Variants in ELOVL2 observed in about 807,000 individuals in gnomAD.
ELOVL2 encodes ELOVL fatty acid elongase 2.
In ELOVL2, 38 loss-of-function variants were observed where a neutral mutation model predicts 37.7. That is an observed-to-expected ratio of 1.01 (90% confidence interval 0.78 to 1.32). The LOEUF is 1.32. ELOVL2 is among the 40% of genes most tolerant of loss of function. ELOVL2 has a pLI of 0.00. For missense variants in ELOVL2, 352 were observed against 363.6 expected (o/e 0.97, Z 0.26); for synonymous variants, 115 against 122.3 (o/e 0.94, Z 0.40).
At position 10,981,752 on chromosome 6, in the gene ELOVL2, A is replaced by G. The variant is rs1270080973; in HGVS notation, c.*2029T>C. 6.6e-6 allele frequency: 1 copy of G among 152,242 alleles called. No homozygotes were observed. The highest frequency in any genetic ancestry group is 2.4e-5 in the African/African-American group (1 of 41,458). 9.4% of individuals were successfully genotyped at this position (152,242 alleles called of 1,614,324 possible). A position where few individuals can be genotyped will look rare whatever the true frequency, so the allele number is the denominator to read the frequency against. ...TCACTGGCACGTAAGAATAAGCTGA[A>G]TGTGATGACCAGTGAGCATATTAGA... On this transcript the variant is annotated 3_prime_UTR_variant, in exon 8 of 8. Transcript: ENST00000354666.
At chr6:10,996,826 AT>A (rs1328811938) in intron 4 of ELOVL2, among the ~76,000 whole-genome samples, 3 of 151,462 alleles carry the variant, frequency 2.0e-5, no homozygotes, top group African/African-American at 7.3e-5. Flanking sequence ...CCTGGTTAAC[AT>A]GGTGAAACCC....
intron 1 of ELOVL2, among the ~76,000 whole-genome samples, chr6:11,022,023 C>T (rs1238454306): frequency 3.3e-5 from 5 of 152,096 alleles, no homozygotes; most frequent in Non-Finnish European, 5.9e-5. Flanking sequence ...GGGGGTCTGT[C>T]GCTTGGGATT....
chr6:11,011,472 A>C (rs1299443442), intron 1 of ELOVL2, among the ~76,000 whole-genome samples: 1 of 152,248 alleles, frequency 6.6e-6, no homozygotes, highest in Non-Finnish European at 1.5e-5. Flanking sequence ...CCCTTGTTAC[A>C]ATAACAGTTG....
At chr6:11,007,712 T>C (rs1782503524) in intron 2 of ELOVL2, among the ~76,000 whole-genome samples, 1 of 152,204 alleles carries the variant, frequency 6.6e-6, no homozygotes, top group Non-Finnish European at 1.5e-5. Context: ...GTGCTGGCTT[T>C]ACCTCCCCAA....
intron 1 of ELOVL2, chr6:11,015,928 A>C (rs1345407758): frequency 6.6e-6 from 1 of 152,182 alleles, no homozygotes; most frequent in African/African-American, 2.4e-5. Context: ...CAAAACCCTG[A>C]TGGCCAGATT....
intron 1 of ELOVL2, among the ~76,000 whole-genome samples, chr6:11,041,106 C>G (rs1291913141): frequency 6.6e-6 from 1 of 152,164 alleles, no homozygotes; most frequent in Admixed American, 6.5e-5. Context: ...CTGATGCTGG[C>G]GTATTTTCAC....
intron 2 of ELOVL2, among the ~76,000 whole-genome samples, chr6:11,008,634 T>C (rs1166224282): frequency 6.6e-6 from 1 of 152,114 alleles, no homozygotes; most frequent in Admixed American, 6.6e-5. Flanking sequence ...CCCTCTACAC[T>C]GAGCTGTTCT....
At chr6:11,043,348 A>C (rs944830066) in intron 1 of ELOVL2, among the ~76,000 whole-genome samples, 2 of 151,586 alleles carry the variant, frequency 1.3e-5, no homozygotes, top group African/African-American at 4.8e-5. Context: ...TCCCTTTGTA[A>C]CCAAAGAACC....
chr6:11,018,236 AT>A (rs1319738682), intron 1 of ELOVL2, among the ~76,000 whole-genome samples: 9 of 152,070 alleles, frequency 5.9e-5, no homozygotes, highest in African/African-American at 2.2e-4. Context: ...TAGTGATCTT[AT>A]TTTTTTCTAT....
intron 3 of ELOVL2, among the ~76,000 whole-genome samples, chr6:11,000,508 T>C (rs1269224159): frequency 6.6e-6 from 1 of 152,240 alleles, no homozygotes; most frequent in Non-Finnish European, 1.5e-5. Context: ...AAAACAACTG[T>C]GAGAAAACTA....
intron 1 of ELOVL2, among the ~76,000 whole-genome samples, chr6:11,032,315 A>C (rs1370055618): frequency 2.9e-5 from 4 of 138,886 alleles, no homozygotes; most frequent in Non-Finnish European, 6.1e-5. Context: ...ACATCTTTTT[A>C]CACAATTTGG....
chr6:11,039,176 A>G (rs1259672510), intron 1 of ELOVL2, among the ~76,000 whole-genome samples: 2 of 152,380 alleles, frequency 1.3e-5, no homozygotes, highest in East Asian at 3.8e-4. Flanking sequence ...TGTGACAGAG[A>G]TAATACACCA....
chr6:11,022,150 A>G (rs1355053093), intron 1 of ELOVL2, among the ~76,000 whole-genome samples: 1 of 152,098 alleles, frequency 6.6e-6, no homozygotes, highest in African/African-American at 2.4e-5. Context: ...TCTCTCTACC[A>G]GAACAGAAAA....
At chr6:10,989,869 C>T (rs371859089) in intron 6 of ELOVL2, 32 bp from the exon 7 acceptor site, 45 of 1,612,932 alleles carry the variant, frequency 2.8e-5, no homozygotes, top group Middle Eastern at 1.7e-4. Flanking sequence ...TCTCTGTGAG[C>T]GAGCCAGGCT....
intron 3 of ELOVL2, among the ~76,000 whole-genome samples, chr6:11,003,618 T>A (rs918975878): frequency 2.6e-5 from 4 of 152,218 alleles, no homozygotes; most frequent in African/African-American, 9.7e-5. Context: ...CTGTCACTTA[T>A]GGAAAACAAT....
intron 7 of ELOVL2, among the ~76,000 whole-genome samples, chr6:10,984,798 G>A (rs1371811223): frequency 6.6e-6 from 1 of 151,838 alleles, no homozygotes; most frequent in Non-Finnish European, 1.5e-5. Flanking sequence ...CTTTGCTATT[G>A]TGAATAGTGC....
chr6:10,989,921 A>G, intron 6 of ELOVL2, 84 bp from the exon 7 acceptor site: 1 of 1,500,710 alleles, frequency 6.7e-7, no homozygotes. Context: ...CAATTCAGAA[A>G]TCAACTCCTA....
chr6:11,041,774 A>G (rs905503522), intron 1 of ELOVL2, among the ~76,000 whole-genome samples: 3 of 152,258 alleles, frequency 2.0e-5, no homozygotes, highest in Non-Finnish European at 4.4e-5. Flanking sequence ...TCCAATTAAT[A>G]CATTTCTCCA....
At chr6:11,010,701 C>A in intron 2 of ELOVL2, 45 bp downstream of exon 2, 1 of 1,431,040 alleles carries the variant, frequency 7.0e-7, no homozygotes, top group South Asian at 1.2e-5. Flanking sequence ...AAATGGTGTT[C>A]TTCCTGTGTT....
Sources: allele counts gnomAD v4.1 joint callset (sites outside exome capture counted in the v4.1 genomes callset), GRCh38; gene constraint gnomAD v4.1.1; transcripts MANE v1.5; gene names NCBI Gene and HGNC (gene_info 2026-07-23, HGNC 2026-07-21).